SLC35F3: variants seen among roughly 807,000 people sequenced by gnomAD.
The protein encoded by SLC35F3 is putative thiamine transporter SLC35F3.
A neutral mutation model predicts 49.9 loss-of-function variants in SLC35F3; 25 were observed. The ratio of observed to expected loss-of-function variants is 0.50; its 90% confidence interval spans 0.37 to 0.70. SLC35F3 has a LOEUF of 0.70. Among genes scored for constraint, SLC35F3 ranks in the 30% least tolerant of loss-of-function variants. The pLI is 0.00. For missense variants in SLC35F3, 525 were observed against 639.8 expected (o/e 0.82, Z 1.94); for synonymous variants, 275 against 265.4 (o/e 1.04, Z -0.35).
At chr1:234,020,067 A>T (rs1293986183) in intron 2 of SLC35F3, among the ~76,000 whole-genome samples, 1 of 152,076 alleles carries the variant, frequency 6.6e-6, no homozygotes, top group Non-Finnish European at 1.5e-5. Flanking sequence ...AGGGTTGAAA[A>T]TGAGACTCTA....
intron 2 of SLC35F3, among the ~76,000 whole-genome samples, chr1:234,008,467 C>T (rs1243799031): frequency 3.3e-5 from 5 of 152,118 alleles, no homozygotes; most frequent in African/African-American, 4.8e-5. Flanking sequence ...TTCTTTCATC[C>T]TTTTCTCTTC....
chr1:234,072,649 G>A (rs745335844), intron 2 of SLC35F3, among the ~76,000 whole-genome samples: 5 of 152,134 alleles, frequency 3.3e-5, no homozygotes, highest in South Asian at 2.1e-4. Context: ...TGTGGATCTC[G>A]GGAAGAACGG....
At chr1:234,225,184 C>G (rs970261693) in intron 2 of SLC35F3, among the ~76,000 whole-genome samples, 2 of 152,216 alleles carry the variant, frequency 1.3e-5, no homozygotes, top group Non-Finnish European at 1.5e-5. Flanking sequence ...AAGTCTCCCC[C>G]CCTTTCCTCT....
chr1:234,085,460 A>G (rs542202293), intron 2 of SLC35F3, among the ~76,000 whole-genome samples: 10 of 152,304 alleles, frequency 6.6e-5, no homozygotes, highest in Non-Finnish European at 1.0e-4. Flanking sequence ...GTATTCCCCA[A>G]TCATTGTGCT....
At chr1:234,230,623 C>T (rs1667352613) in intron 2 of SLC35F3, among the ~76,000 whole-genome samples, 1 of 152,232 alleles carries the variant, frequency 6.6e-6, no homozygotes, top group Non-Finnish European at 1.5e-5. Flanking sequence ...TTTTCACCTT[C>T]CTCTGGTCTG....
At chr1:234,230,226 C>T (rs995248728) in intron 2 of SLC35F3, among the ~76,000 whole-genome samples, 2 of 152,296 alleles carry the variant, frequency 1.3e-5, no homozygotes, top group Middle Eastern at 3.4e-3. Context: ...TGGTGGTTAA[C>T]GATATTAGCT....
chr1:233,927,561 A>G (rs923729823), intron 2 of SLC35F3, among the ~76,000 whole-genome samples: 1 of 152,156 alleles, frequency 6.6e-6, no homozygotes, highest in Non-Finnish European at 1.5e-5. Flanking sequence ...ATGTTAAATA[A>G]CTATCGAACT....
intron 2 of SLC35F3, among the ~76,000 whole-genome samples, chr1:233,981,708 G>T (rs1207998378): frequency 6.6e-6 from 1 of 151,798 alleles, no homozygotes; most frequent in Admixed American, 6.6e-5. Flanking sequence ...GGGTTGCGTA[G>T]TAAGTGTATG....
intron 2 of SLC35F3, among the ~76,000 whole-genome samples, chr1:234,015,782 C>A (rs1663794250): frequency 6.6e-6 from 1 of 152,028 alleles, no homozygotes; most frequent in Non-Finnish European, 1.5e-5. Context: ...TGCTCCAGTA[C>A]CAAAAGCAAA....
At chr1:233,994,542 A>C (rs1039389379) in intron 2 of SLC35F3, among the ~76,000 whole-genome samples, 3 of 152,246 alleles carry the variant, frequency 2.0e-5, no homozygotes, top group Non-Finnish European at 4.4e-5. Context: ...GAATCAAAGC[A>C]GAGGCAGTCT....
chr1:233,922,651 A>G (rs983163643), intron 2 of SLC35F3, among the ~76,000 whole-genome samples: 18 of 152,086 alleles, frequency 1.2e-4, no homozygotes, highest in Non-Finnish European at 1.8e-4. Flanking sequence ...CTTTAGTTTA[A>G]TTAGATCCCA....
chr1:233,998,859 G>T (rs1417681496), intron 2 of SLC35F3, among the ~76,000 whole-genome samples: 2 of 152,098 alleles, frequency 1.3e-5, no homozygotes, highest in Non-Finnish European at 2.9e-5. Context: ...GATCATTTTG[G>T]TACTTATTAA....
At chr1:234,031,469 G>A (rs1031786030) in intron 2 of SLC35F3, among the ~76,000 whole-genome samples, 1 of 152,158 alleles carries the variant, frequency 6.6e-6, no homozygotes, top group Middle Eastern at 3.2e-3. Flanking sequence ...CTGCCATAAT[G>A]AGCCTTGTAT....
chr1:234,206,216 A>T (rs1323776182), intron 2 of SLC35F3, among the ~76,000 whole-genome samples: 2 of 152,128 alleles, frequency 1.3e-5, no homozygotes, highest in Non-Finnish European at 2.9e-5. Context: ...TGGTGTTTAT[A>T]TGATGAGTGG....
chr1:234,243,703 T>C (rs914514681), intron 3 of SLC35F3, among the ~76,000 whole-genome samples: 4 of 152,180 alleles, frequency 2.6e-5, no homozygotes, highest in African/African-American at 9.7e-5. Context: ...CGTTTGACTT[T>C]GCAAAACCAC....
rs559453194 is a variant in SLC35F3, at chr1:234,171,459, G to T, written c.284-59958G>T. On this transcript the variant is annotated intron_variant, in intron 2 of 7. Coordinates refer to ENST00000366618, the MANE Select transcript of SLC35F3 (RefSeq NM_173508.4). ...ATAGATGTAAATTTCTTACACAGAGGGGGGTGTCTGTGCAGTGCCAATGTC... is the reference window on the plus strand; with the variant it reads ...ATAGATGTAAATTTCTTACACAGAGTGGGGTGTCTGTGCAGTGCCAATGTC... Among the ~76,000 whole-genome samples the T allele has an allele frequency of 1.4e-4, 21 of 152,292 alleles. No homozygotes were observed. In the South Asian group the frequency reaches 1.7e-3, roughly 12 times the overall value.
chr1:233,955,765 GTT>G (rs551238786), intron 2 of SLC35F3, among the ~76,000 whole-genome samples: 4 of 112,914 alleles, frequency 3.5e-5, no homozygotes, highest in African/African-American at 1.4e-4. Flanking sequence ...CTCACGAACT[GTT>G]TTTTTTTTTT....
At chr1:234,153,937 C>T (rs1435519481) in intron 2 of SLC35F3, among the ~76,000 whole-genome samples, 1 of 152,132 alleles carries the variant, frequency 6.6e-6, no homozygotes, top group African/African-American at 2.4e-5. Context: ...GCGGCAGGCG[C>T]CTGTAGTCCC....
intron 2 of SLC35F3, among the ~76,000 whole-genome samples, chr1:234,123,576 AT>A (rs71170464): frequency 2.1e-4 from 31 of 146,612 alleles, no homozygotes; most frequent in Admixed American, 3.4e-4. Context: ...TGCCTGGTTA[AT>A]TTTTTTTTTT....
Sources: allele counts gnomAD v4.1 joint callset (sites outside exome capture counted in the v4.1 genomes callset), GRCh38; gene constraint gnomAD v4.1.1; transcripts MANE v1.5; gene names NCBI Gene and HGNC (gene_info 2026-07-23, HGNC 2026-07-21).